CCNE2: variants seen among roughly 807,000 people sequenced by gnomAD.
CCNE2 encodes cyclin E2, also known as G1/S-specific cyclin-E2.
Under a neutral mutation model 56.8 loss-of-function variants are expected in CCNE2, and 18 were observed. The ratio of observed to expected loss-of-function variants is 0.32; its 90% confidence interval spans 0.22 to 0.47. The LOEUF (loss-of-function observed/expected upper bound fraction) is 0.47. Ranked by LOEUF, CCNE2 falls within the 20% of genes least tolerant of loss-of-function variation. The pLI, the probability that CCNE2 is intolerant of heterozygous loss-of-function variation, is 1.00. For synonymous variants in CCNE2, 139 were observed against 149.2 expected (o/e 0.93, Z 0.50); for missense variants, 371 against 467.1 (o/e 0.79, Z 1.90).
intron 5 of CCNE2, chr8:94,891,659 CAAAAA>C (rs34021439): frequency 1.4e-3 from 356 of 262,336 alleles, no homozygotes; most frequent in Middle Eastern, 2.3e-3. Context: ...CCTCTGTCTC[CAAAAA>C]AAAAAAAAAA....
chr8:94,894,810 G>A (rs1411327217), intron 1 of CCNE2, among the ~76,000 whole-genome samples: 1 of 152,204 alleles, frequency 6.6e-6, no homozygotes, highest in African/African-American at 2.4e-5. Flanking sequence ...CCCAACTCCA[G>A]ATGGGAAGCG....
chr8:94,892,156 CAA>C (rs1476519857), intron 5 of CCNE2: 1 of 520,434 alleles, frequency 1.9e-6, no homozygotes, highest in East Asian at 4.8e-5. Context: ...AATGTTTTCT[CAA>C]GAGCAATACA....
chr8:94,883,919 G>A (rs1816929773), intron 9 of CCNE2: 1 of 456,094 alleles, frequency 2.2e-6, no homozygotes, highest in Non-Finnish European at 4.4e-6. Context: ...AATGGGAGAA[G>A]AGCTGGGAAT....
chr8:94,890,393 A>T, intron 6 of CCNE2, 22 bp downstream of exon 6: 4 of 1,542,394 alleles, frequency 2.6e-6, no homozygotes, highest in Non-Finnish European at 3.5e-6. Context: ...AGACAAAGGA[A>T]ATTTGTATTG....
chr8:94,881,729 A>T lies in CCNE2; in HGVS notation c.1118T>A (p.Ile373Lys), dbSNP rs747525082. Reference sequence around the variant, plus strand: ...CTGTCCCCCTTTTCTGAAGGTGTTTATGTAATTTACTTCCTCCTATACATG... The same window carrying T: ...CTGTCCCCCTTTTCTGAAGGTGTTTTTGTAATTTACTTCCTCCTATACATG... ...YLAMLEEVNY[I>K]NTFRKGGQLS... The change falls in exon 12 of 12, where the codon ATA (isoleucine) becomes AAA (lysine). Residue 373 changes from isoleucine to lysine, a missense_variant. Physicochemically the swap from Ile to Lys is moderately radical, Grantham distance 102. Transcript: ENST00000308108. The T allele has an allele frequency of 8.1e-6, 13 of 1,613,802 alleles. No individual in the cohort carries two copies. The highest frequency in any genetic ancestry group is 1.7e-4 in the Middle Eastern group (1 of 6,060).
chr8:94,888,124 TAGAA>T, intron 6 of CCNE2, 51 bp from the exon 7 acceptor site: 3 of 1,311,304 alleles, frequency 2.3e-6, no homozygotes, highest in Non-Finnish European at 3.1e-6. Flanking sequence ...TTCTCCAAAT[TAGAA>T]AGTCATCTCT....
chr8:94,893,626 G>A, intron 4 of CCNE2: 1 of 495,316 alleles, frequency 2.0e-6, no homozygotes, highest in Admixed American at 3.7e-5. Flanking sequence ...GGACAGATTA[G>A]GCGGGCCCTG....
At position 94,881,442 on chromosome 8, in the gene CCNE2, C is replaced by T. The variant is rs1376289531; in HGVS notation, c.*190G>A. The T allele has an allele frequency of 1.7e-5, 10 of 579,682 alleles. No individual in the cohort carries two copies. The highest frequency in any genetic ancestry group is 3.0e-5 in the Non-Finnish European group (10 of 336,848). 35.9% of individuals were successfully genotyped at this position (579,682 alleles called of 1,614,324 possible). A position where few individuals can be genotyped will look rare whatever the true frequency, so the allele number is the denominator to read the frequency against. On this transcript the variant is annotated 3_prime_UTR_variant, in exon 12 of 12. Transcript: ENST00000308108. ...ACAAGTCCTGCTGTTTCTTTAACAGCTAACATAGGAAATAATTAAATGTAT... is the reference window on the plus strand; with the variant it reads ...ACAAGTCCTGCTGTTTCTTTAACAGTTAACATAGGAAATAATTAAATGTAT...
rs1816800838 is a variant in CCNE2, at chr8:94,881,323, C to T, written c.*309G>A. On this transcript the variant is annotated 3_prime_UTR_variant, in exon 12 of 12. Transcript: ENST00000308108. Reference sequence around the variant, plus strand: ...AAAATTCCTAGTTTATCAAGATAAACACAGTAACACTGGATTAAAGGAAAA... The same window carrying T: ...AAAATTCCTAGTTTATCAAGATAAATACAGTAACACTGGATTAAAGGAAAA... 2 of 378,028 alleles carry T rather than the reference C, an allele frequency of 5.3e-6. No individual in the cohort carries two copies. The highest frequency in any genetic ancestry group is 9.4e-6 in the Non-Finnish European group (2 of 213,362). 23.4% of individuals were successfully genotyped at this position (378,028 alleles called of 1,614,324 possible).
At chr8:94,886,057 A>C (rs1046605041) in intron 7 of CCNE2, among the ~76,000 whole-genome samples, 2 of 152,146 alleles carry the variant, frequency 1.3e-5, no homozygotes, top group African/African-American at 4.8e-5. Context: ...AAGCAGACAT[A>C]GCCCTGTTGT....
At chr8:94,888,345 T>C (rs984510168) in intron 6 of CCNE2, among the ~76,000 whole-genome samples, 3 of 152,250 alleles carry the variant, frequency 2.0e-5, no homozygotes, top group Non-Finnish European at 4.4e-5. Context: ...ATGGTTAACA[T>C]TGGTGATAAA....
chr8:94,894,754 C>A (rs1211471562), intron 1 of CCNE2: 1 of 152,744 alleles, frequency 6.5e-6, no homozygotes, highest in East Asian at 1.9e-4. Flanking sequence ...CCTTTCCCTC[C>A]TTCCCGGCCC....
Position 94,892,950 on chromosome 8 carries a change from A to G in CCNE2, c.185T>C (p.Leu62Ser). The change falls in exon 5 of 12, where the codon TTA becomes TCA. Residue 62 changes from leucine (L) to serine (S), a missense_variant. Coordinates refer to ENST00000308108, the MANE Select transcript of CCNE2 (RefSeq NM_057749.3). ...AATGCAAGGACTGATCCCCCCAGAT[A>G]ATACAGGTGGCCAACAATTCTGTCA... is the stretch of plus-strand genomic sequence containing the variant. ...YEIRNCWPPVLSGGISPCIII... is the reference protein window; with the variant it reads ...YEIRNCWPPVSSGGISPCIII... 6.5e-7 allele frequency: 1 copy of G among 1,536,720 alleles called. No homozygotes were observed. The highest frequency in any genetic ancestry group is 8.7e-7 in the Non-Finnish European group (1 of 1,154,712).
At chr8:94,890,188 A>G (rs970005197) in intron 6 of CCNE2, among the ~76,000 whole-genome samples, 1 of 152,224 alleles carries the variant, frequency 6.6e-6, no homozygotes, top group Non-Finnish European at 1.5e-5. Flanking sequence ...ATCCACAGGT[A>G]ACAGGAATTC....
chr8:94,895,224 A>G (rs1242512476), upstream of CCNE2: 17 of 985,072 alleles, frequency 1.7e-5, no homozygotes, highest in South Asian at 4.7e-5. Flanking sequence ...CGCCAACCCA[A>G]TATATAGGCC....
In CCNE2 at chr8:94,882,145, T is replaced by TA. The variant is rs756532128; in HGVS notation, c.1087dup (p.Tyr363LeufsTer36). 6.2e-7 allele frequency: 1 copy of TA among 1,605,598 alleles called. No individual in the cohort carries two copies. The highest frequency in any genetic ancestry group is 8.5e-7 in the Non-Finnish European group (1 of 1,177,308). On this transcript the variant is annotated frameshift_variant, in exon 11 of 12. Coordinates refer to ENST00000308108, the MANE Select transcript of CCNE2 (RefSeq NM_057749.3). LOFTEE classifies it high-confidence loss of function. ...AAAAAAACATACCAGCATAGCCAAA[T>TA]AGTTTGTATGTGTCTGGATATTATG...
Position 94,881,583 on chromosome 8 carries a change from GT to G in CCNE2, c.*48del. ...AAACTTTAGTAGTTCAGTGATACCA[GT>G]TCTACCCAATCTTGGTGAATTCCAA... On this transcript the variant is annotated 3_prime_UTR_variant, in exon 12 of 12. Coordinates refer to ENST00000308108, the MANE Select transcript of CCNE2 (RefSeq NM_057749.3). 1 of 1,599,942 alleles carries G rather than the reference GT, an allele frequency of 6.3e-7. No homozygotes were observed. The highest frequency in any genetic ancestry group is 8.5e-7 in the Non-Finnish European group (1 of 1,171,492).
At chr8:94,882,704 A>T (rs28399583) in intron 10 of CCNE2, 77 bp downstream of exon 10, 1 of 954,078 alleles carries the variant, frequency 1.0e-6, no homozygotes, top group Non-Finnish European at 1.6e-6. Flanking sequence ...CATGTTTAGC[A>T]GAATGTTAAA....
rs1300955500 is a variant in CCNE2, at chr8:94,881,785, A to T, written c.1102-40T>A. On this transcript the variant is annotated intron_variant, in intron 11 of 11. Transcript: ENST00000308108. The stretch of plus-strand genomic sequence containing the variant: ...AAATCATGCACTGATTTCATAAATC[A>T]AAGTCAAACCAGACTTCTGGGTACT... The T allele has an allele frequency of 3.7e-6, 6 of 1,610,438 alleles. 1 individual carries two copies. In the South Asian group the frequency reaches 6.6e-5, roughly 18 times the overall value.
Sources: allele counts gnomAD v4.1 joint callset (sites outside exome capture counted in the v4.1 genomes callset), GRCh38; gene constraint gnomAD v4.1.1; transcripts MANE v1.5; gene names NCBI Gene and HGNC (gene_info 2026-07-23, HGNC 2026-07-21).